CACNG2: variants seen among roughly 807,000 people sequenced by gnomAD.
CACNG2 encodes calcium voltage-gated channel auxiliary subunit gamma 2, also known as voltage-dependent calcium channel gamma-2 subunit.
Under a neutral mutation model 25.9 loss-of-function variants are expected in CACNG2, and 3 were observed. That is an observed-to-expected ratio of 0.12 (90% CI 0.05 to 0.30). The LOEUF is 0.30. CACNG2 is among the 10% of genes least tolerant of loss of function. The pLI is 1.00. For missense variants in CACNG2, 341 were observed against 432.5 expected (o/e 0.79, Z 1.88); for synonymous variants, 167 against 173.3 (o/e 0.96, Z 0.29).
intron 1 of CACNG2, among the ~76,000 whole-genome samples, chr22:36,665,721 C>T (rs763458159): frequency 5.3e-5 from 8 of 152,122 alleles, no homozygotes; most frequent in African/African-American, 9.7e-5. Flanking sequence ...AAACAAAAAA[C>T]AACAACAACA....
At chr22:36,683,039 AGCTCATGATC>A (rs1415019552) in intron 1 of CACNG2, among the ~76,000 whole-genome samples, 1 of 152,214 alleles carries the variant, frequency 6.6e-6, no homozygotes, top group Non-Finnish European at 1.5e-5. Context: ...ACAGCCAACT[AGCTCATGATC>A]GCTCCGGGCC....
chr22:36,608,478 T>C (rs933141736), intron 1 of CACNG2, among the ~76,000 whole-genome samples: 1 of 152,246 alleles, frequency 6.6e-6, no homozygotes, highest in African/African-American at 2.4e-5. Context: ...TCAGTAGATA[T>C]GGGAGACTTT....
chr22:36,684,923 C>T lies in CACNG2; in HGVS notation c.211+17443G>A, dbSNP rs554500925. Among the ~76,000 whole-genome samples, 9 of 152,290 alleles carry T rather than the reference C, an allele frequency of 5.9e-5. No individual in the cohort carries two copies. The East Asian group carries it at 1.7e-3, about 29-fold the overall frequency. On this transcript the variant is annotated intron_variant, in intron 1 of 3. Coordinates refer to ENST00000300105, the MANE Select transcript of CACNG2 (RefSeq NM_006078.5). ...GGCTCTTTCTGCTGGATCGCGCTGC[C>T]CAATCAATCCGGGAAGAAAGTAGGG...
chr22:36,576,150 G>T (rs1935308918), intron 2 of CACNG2, among the ~76,000 whole-genome samples: 1 of 152,216 alleles, frequency 6.6e-6, no homozygotes, highest in South Asian at 2.1e-4. Context: ...ATCCATCAAT[G>T]AGTGGATAAA....
chr22:36,654,543 T>G lies in CACNG2; in HGVS notation c.211+47823A>C, dbSNP rs542969191. On this transcript the variant is annotated intron_variant, in intron 1 of 3. Transcript: ENST00000300105. ...CACTGTGCACAGCCTCTTTAGTAGT[T>G]TTAAAGCCCATACTTATAAGAAGTT... is the stretch of plus-strand genomic sequence containing the variant. Among the ~76,000 whole-genome samples the G allele has an allele frequency of 2.8e-4, 42 of 152,304 alleles. No homozygotes were observed. The South Asian group carries it at 5.6e-3, about 20-fold the overall frequency.
chr22:36,688,403 G>A (rs1937227710), intron 1 of CACNG2, among the ~76,000 whole-genome samples: 1 of 151,912 alleles, frequency 6.6e-6, no homozygotes. Flanking sequence ...AGCTCAGTGT[G>A]GTAGTGCACA....
At chr22:36,675,515 G>A (rs533333022) in intron 1 of CACNG2, among the ~76,000 whole-genome samples, 6 of 152,326 alleles carry the variant, frequency 3.9e-5, no homozygotes, top group Admixed American at 2.0e-4. Context: ...TTTTCTCAAA[G>A]AACTGGGAGC....
intron 1 of CACNG2, among the ~76,000 whole-genome samples, chr22:36,614,172 T>C (rs1372279711): frequency 6.6e-6 from 1 of 152,150 alleles, no homozygotes. Flanking sequence ...CGACAGCTGC[T>C]TTGATCTTCA....
intron 1 of CACNG2, among the ~76,000 whole-genome samples, chr22:36,700,939 G>T (rs957227092): frequency 6.6e-6 from 1 of 152,136 alleles, no homozygotes; most frequent in Non-Finnish European, 1.5e-5. Context: ...AATGTTGGGA[G>T]GGGGGCATGG....
chr22:36,598,633 C>A (rs1935710238), intron 1 of CACNG2, among the ~76,000 whole-genome samples: 1 of 151,488 alleles, frequency 6.6e-6, no homozygotes, highest in African/African-American at 2.4e-5. Flanking sequence ...CAAAACAAAA[C>A]AACTCCCCAA....
At chr22:36,656,514 T>C (rs770687469) in intron 1 of CACNG2, among the ~76,000 whole-genome samples, 1 of 152,340 alleles carries the variant, frequency 6.6e-6, no homozygotes, top group African/African-American at 2.4e-5. Context: ...CCTGGATGGC[T>C]GTAATGGGCT....
At chr22:36,637,483 C>T (rs189261477) in intron 1 of CACNG2, among the ~76,000 whole-genome samples, 12 of 152,190 alleles carry the variant, frequency 7.9e-5, no homozygotes, top group African/African-American at 2.9e-4. Context: ...GGCAGTAGAG[C>T]CCAGTGATCA....
intron 1 of CACNG2, among the ~76,000 whole-genome samples, chr22:36,617,598 A>T (rs773373141): frequency 2.0e-5 from 3 of 149,236 alleles, no homozygotes; most frequent in Non-Finnish European, 3.0e-5. Context: ...GTTTAAAAGG[A>T]AGAAATCCAG....
chr22:36,685,764 G>A (rs921218954), intron 1 of CACNG2, among the ~76,000 whole-genome samples: 5 of 152,250 alleles, frequency 3.3e-5, no homozygotes, highest in African/African-American at 7.2e-5. Flanking sequence ...CTGATTCCAC[G>A]GGAAGCCAAG....
intron 1 of CACNG2, among the ~76,000 whole-genome samples, chr22:36,700,916 C>T (rs564373674): frequency 3.3e-5 from 5 of 152,270 alleles, no homozygotes; most frequent in African/African-American, 1.2e-4. Flanking sequence ...ATCACTCAAC[C>T]GTTTGCACCA....
intron 1 of CACNG2, among the ~76,000 whole-genome samples, chr22:36,618,696 G>A (rs1224493390): frequency 1.3e-5 from 2 of 152,162 alleles, no homozygotes; most frequent in Admixed American, 6.5e-5. Context: ...TGAGGCGAGC[G>A]GATCATGAGG....
chr22:36,606,757 C>T lies in CACNG2; in HGVS notation c.212-19209G>A, dbSNP rs993654280. Among the ~76,000 whole-genome samples, 566 of 148,108 alleles carry T rather than the reference C, an allele frequency of 3.8e-3. 4 individuals are homozygous for T. Among genetic ancestry groups the T allele is most frequent in the African/African-American group, 0.013 (531 of 40,034 alleles). On this transcript the variant is annotated intron_variant, in intron 1 of 3. Transcript: ENST00000300105. This position sits in a 1 kb window ranked among gnomAD's most constrained non-coding sequence, Gnocchi z 5.7. ...ACGGAAACCAGACGGTTGGGCTGTG[C>T]GTGTGTGTGTGTGTGTGTGTGTATG...
At chr22:36,663,105 G>A (rs1936823649) in intron 1 of CACNG2, among the ~76,000 whole-genome samples, 1 of 152,098 alleles carries the variant, frequency 6.6e-6, no homozygotes, top group South Asian at 2.1e-4. Flanking sequence ...CTCCTCCATG[G>A]TTTAAGATAA....
chr22:36,568,961 C>T (rs1013264179), intron 2 of CACNG2, among the ~76,000 whole-genome samples: 1 of 152,074 alleles, frequency 6.6e-6, no homozygotes, highest in Non-Finnish European at 1.5e-5. Flanking sequence ...TCCACAGACC[C>T]CAGGGAGGTG....
Sources: gnomAD v4.1 joint callset for allele counts (sites outside exome capture counted in the v4.1 genomes callset) on GRCh38, gnomAD v4.1.1 for gene constraint, Gnocchi (gnomAD v3.1) non-coding constraint, MANE v1.5 for transcripts, NCBI Gene and HGNC (gene_info 2026-07-23, HGNC 2026-07-21) for gene names.